The following GRXCR1 variants were observed in gnomAD, a reference collection of about 807,000 sequenced individuals.
GRXCR1 encodes the protein glutaredoxin domain-containing cysteine-rich protein 1.
In GRXCR1, 27 loss-of-function variants were observed where a neutral mutation model predicts 27.3. The observed-to-expected ratio is 0.99, with a 90% CI of 0.73 to 1.37. GRXCR1 has a LOEUF of 1.37. GRXCR1 is among the 40% of genes most tolerant of loss of function. GRXCR1 has a pLI of 0.00. For missense variants in GRXCR1, 379 were observed against 354.4 expected (o/e 1.07, Z -0.56); for synonymous variants, 122 against 131.1 (o/e 0.93, Z 0.47).
At chr4:42,956,650 G>T (rs1272026521) in intron 1 of GRXCR1, among the ~76,000 whole-genome samples, 1 of 151,998 alleles carries the variant, frequency 6.6e-6, no homozygotes, top group Non-Finnish European at 1.5e-5. Flanking sequence ...TTTCTACCCT[G>T]AATTTGCCCC....
chr4:42,913,584 C>A (rs1746812568), intron 1 of GRXCR1, among the ~76,000 whole-genome samples: 1 of 152,144 alleles, frequency 6.6e-6, no homozygotes, highest in Admixed American at 6.6e-5. Context: ...AGAAAATTTG[C>A]AGCCTGATGA....
intron 1 of GRXCR1, among the ~76,000 whole-genome samples, chr4:42,950,042 G>T (rs1164386245): frequency 6.6e-6 from 1 of 152,112 alleles, no homozygotes. Flanking sequence ...CTGCATTTAG[G>T]TGATTATTCA....
intron 3 of GRXCR1, among the ~76,000 whole-genome samples, chr4:43,022,575 G>A (rs908703156): frequency 2.0e-5 from 3 of 152,174 alleles, no homozygotes; most frequent in Non-Finnish European, 4.4e-5. Flanking sequence ...GAACTCTGCG[G>A]TGCCATCACT....
intron 1 of GRXCR1, among the ~76,000 whole-genome samples, chr4:42,913,175 G>T (rs533243796): frequency 1.3e-5 from 2 of 152,254 alleles, no homozygotes; most frequent in East Asian, 1.9e-4. Flanking sequence ...TACCAGGAGT[G>T]GGGCACTGCT....
At chr4:42,967,826 A>G (rs1748282849) in intron 2 of GRXCR1, among the ~76,000 whole-genome samples, 1 of 152,196 alleles carries the variant, frequency 6.6e-6, no homozygotes, top group Admixed American at 6.5e-5. Flanking sequence ...TCAGGGCCAG[A>G]ATAGTGTTTG....
chr4:42,973,272 G>T (rs958039815), intron 2 of GRXCR1, among the ~76,000 whole-genome samples: 2 of 152,086 alleles, frequency 1.3e-5, no homozygotes, highest in African/African-American at 4.8e-5. Flanking sequence ...ATACAACAAG[G>T]TTGTATTGTC....
At chr4:42,896,100 T>G (rs1435679113) in intron 1 of GRXCR1, among the ~76,000 whole-genome samples, 1 of 152,064 alleles carries the variant, frequency 6.6e-6, no homozygotes, top group Admixed American at 6.6e-5. Flanking sequence ...ACCTTAAACG[T>G]GAAAGAAAAC....
At chr4:42,929,797 A>G (rs1489379264) in intron 1 of GRXCR1, among the ~76,000 whole-genome samples, 1 of 151,896 alleles carries the variant, frequency 6.6e-6, no homozygotes, top group Admixed American at 6.6e-5. Context: ...ATATAGCAAT[A>G]ATAATAATTA....
At chr4:43,012,316 A>G (rs1441818610) in intron 2 of GRXCR1, among the ~76,000 whole-genome samples, 2 of 152,198 alleles carry the variant, frequency 1.3e-5, no homozygotes, top group African/African-American at 4.8e-5. Flanking sequence ...TCATTTTAAC[A>G]AGCCATAAAA....
intron 1 of GRXCR1, among the ~76,000 whole-genome samples, chr4:42,937,822 G>T (rs964807041): frequency 5.9e-5 from 9 of 151,896 alleles, no homozygotes; most frequent in Admixed American, 4.6e-4. Flanking sequence ...TATATATTGA[G>T]ATATGAGATA....
chr4:42,978,799 T>C (rs1241943784), intron 2 of GRXCR1, among the ~76,000 whole-genome samples: 3 of 151,940 alleles, frequency 2.0e-5, no homozygotes, highest in Admixed American at 1.3e-4. Context: ...TCATCTTGAA[T>C]TGTAAGCCTC....
At chr4:43,004,726 C>A (rs1216958021) in intron 2 of GRXCR1, among the ~76,000 whole-genome samples, 3 of 152,158 alleles carry the variant, frequency 2.0e-5, no homozygotes, top group Non-Finnish European at 2.9e-5. Flanking sequence ...CAAAGTCTCC[C>A]ATTTGGAAAG....
At chr4:42,934,559 T>C (rs945203169) in intron 1 of GRXCR1, among the ~76,000 whole-genome samples, 5 of 151,884 alleles carry the variant, frequency 3.3e-5, no homozygotes, top group African/African-American at 4.8e-5. Context: ...GAAATTCTTT[T>C]TGCATCTTAG....
At chr4:42,993,926 C>A (rs148274614) in intron 2 of GRXCR1, among the ~76,000 whole-genome samples, 1 of 151,988 alleles carries the variant, frequency 6.6e-6, no homozygotes, top group Non-Finnish European at 1.5e-5. Flanking sequence ...CATAAATAAA[C>A]GAGTGTAGAA....
At position 43,001,555 on chromosome 4, in the gene GRXCR1, ACATGTCCTCGGTGTATGTGTCT is replaced by A. The variant is rs541434111; in HGVS notation, c.628-18795_628-18774del. 1.0e-3 allele frequency among the ~76,000 whole-genome samples: 155 copies of A among 152,354 alleles called. No homozygotes were observed. In the South Asian group the frequency reaches 0.03, roughly 30 times the overall value. On this transcript the variant is annotated intron_variant, in intron 2 of 3. Coordinates refer to ENST00000399770, the MANE Select transcript of GRXCR1 (RefSeq NM_001080476.3). The stretch of plus-strand genomic sequence containing the variant: ...TGTTTTTATTTGTACTCGTAAAAAC[ACATGTCCTCGGTGTATGTGTCT>A]CATTGGAAGCTTCCAAATAGCTTCT...
At chr4:42,925,733 A>C (rs1747143063) in intron 1 of GRXCR1, among the ~76,000 whole-genome samples, 1 of 152,018 alleles carries the variant, frequency 6.6e-6, no homozygotes, top group Admixed American at 6.6e-5. Context: ...ATGAGCTGGA[A>C]AGATAGAGTA....
chr4:42,977,571 A>G (rs1310447228), intron 2 of GRXCR1, among the ~76,000 whole-genome samples: 1 of 151,878 alleles, frequency 6.6e-6, no homozygotes, highest in African/African-American at 2.4e-5. Context: ...ACAATGTTGA[A>G]CATTTAAAAA....
At chr4:42,917,504 A>G (rs1450940) in intron 1 of GRXCR1, among the ~76,000 whole-genome samples, 103,706 of 152,076 alleles carry the variant, frequency 0.68, 35,821 homozygotes, top group Non-Finnish European at 0.72. Flanking sequence ...AGAGGACTTC[A>G]CTGGCAGCGA....
intron 1 of GRXCR1, among the ~76,000 whole-genome samples, chr4:42,952,292 AG>A (rs1163765229): frequency 6.6e-6 from 1 of 152,190 alleles, no homozygotes; most frequent in African/African-American, 2.4e-5. Context: ...CCACTTTTCT[AG>A]CTGAGTAGGC....
Sources: allele counts gnomAD v4.1 joint callset (sites outside exome capture counted in the v4.1 genomes callset), GRCh38; gene constraint gnomAD v4.1.1; transcripts MANE v1.5; gene names NCBI Gene and HGNC (gene_info 2026-07-23, HGNC 2026-07-21).